SUMF1: variants seen among roughly 807,000 people sequenced by gnomAD.
The protein encoded by SUMF1 is sulfatase modifying factor 1.
SUMF1 carries 48 observed loss-of-function variants against 47.6 expected under a neutral mutation model. That is an observed-to-expected ratio of 1.01 (90% CI 0.80 to 1.28). The LOEUF (loss-of-function observed/expected upper bound fraction) is 1.28, where lower values mean the gene tolerates loss of function less well. SUMF1 is among the 50% of genes most tolerant of loss of function. SUMF1 has a pLI of 0.00. For synonymous variants in SUMF1, 230 were observed against 192.1 expected, an observed-to-expected ratio of 1.20 and a Z score of -1.63; for missense variants, 571 against 485.4, an observed-to-expected ratio of 1.18 and a Z score of -1.66.
intron 7 of SUMF1, among the ~76,000 whole-genome samples, chr3:4,381,998 A>G (rs539212660): frequency 3.3e-4 from 50 of 152,304 alleles, no homozygotes; most frequent in African/African-American, 1.2e-3. Flanking sequence ...GTGAGCAGTG[A>G]CTGCGCCACA....
intron 8 of SUMF1, among the ~76,000 whole-genome samples, chr3:4,204,174 T>C (rs1203248169): frequency 6.6e-6 from 1 of 152,106 alleles, no homozygotes; most frequent in Non-Finnish European, 1.5e-5. Context: ...ACAGGCCTGG[T>C]GTTGACAAAA....
chr3:4,130,242 A>G (rs552200611), intron 8 of SUMF1, among the ~76,000 whole-genome samples: 2 of 152,242 alleles, frequency 1.3e-5, no homozygotes, highest in Admixed American at 6.5e-5. Context: ...ACCAGATGTG[A>G]TTTCATTGCT....
intron 3 of SUMF1, among the ~76,000 whole-genome samples, chr3:4,439,245 G>A (rs879602485): frequency 2.6e-5 from 4 of 152,130 alleles, no homozygotes; most frequent in Non-Finnish European, 4.4e-5. Context: ...AAGTGAGGCC[G>A]GGTGTGGTGG....
At position 4,259,299 on chromosome 3, in the gene SUMF1, A is replaced by C. The variant is rs546437255; in HGVS notation, c.1014+117031T>G. Among the ~76,000 whole-genome samples, 286 of 152,282 alleles carry C rather than the reference A, an allele frequency of 1.9e-3. 2 individuals carry two copies. The highest frequency in any genetic ancestry group is 3.1e-3 in the Non-Finnish European group (212 of 68,016). The stretch of plus-strand genomic sequence containing the variant: ...AAATAAATAAATAAAAATGGAAATA[A>C]ACAGTTTCTTTTCATTGTTCCTGTA... On this transcript the variant is annotated intron_variant and NMD_transcript_variant, in intron 8 of 12. Transcript: ENST00000448413.
intron 7 of SUMF1, among the ~76,000 whole-genome samples, chr3:4,408,744 G>T (rs1328816305): frequency 6.6e-6 from 1 of 152,168 alleles, no homozygotes; most frequent in East Asian, 1.9e-4. Context: ...GACAAGGCGG[G>T]TAGATCACCT....
chr3:4,369,749 G>A (rs1009353232), intron 8 of SUMF1, among the ~76,000 whole-genome samples: 1 of 152,156 alleles, frequency 6.6e-6, no homozygotes, highest in African/African-American at 2.4e-5. Context: ...AGGAAGTCTA[G>A]TATGGGGCCC....
At chr3:4,162,077 G>A (rs1010478748) in intron 8 of SUMF1, among the ~76,000 whole-genome samples, 3 of 152,048 alleles carry the variant, frequency 2.0e-5, no homozygotes, top group Non-Finnish European at 4.4e-5. Flanking sequence ...TTCCCTTCTG[G>A]TGCAGGGTGT....
chr3:4,165,268 G>GC (rs1170872950), intron 8 of SUMF1, among the ~76,000 whole-genome samples: 2 of 152,020 alleles, frequency 1.3e-5, no homozygotes, highest in Admixed American at 1.3e-4. Context: ...GTCTACCTTG[G>GC]CAAGATCAGG....
chr3:4,218,864 G>C (rs1696000243), intron 8 of SUMF1, among the ~76,000 whole-genome samples: 1 of 152,094 alleles, frequency 6.6e-6, no homozygotes, highest in Non-Finnish European at 1.5e-5. Context: ...CTCCTCATTA[G>C]CCTTTTGGGT....
chr3:4,315,517 C>T (rs1559219907), intron 8 of SUMF1, among the ~76,000 whole-genome samples: 1 of 152,126 alleles, frequency 6.6e-6, no homozygotes, highest in Non-Finnish European at 1.5e-5. Context: ...TTTTTGTCCT[C>T]AGGCACTAGT....
chr3:4,148,195 G>A lies in SUMF1; in HGVS notation c.1015-79450C>T, dbSNP rs778509439. Among the ~76,000 whole-genome samples, 29 of 152,220 alleles carry A rather than the reference G, an allele frequency of 1.9e-4. No individual in the cohort carries two copies. The Middle Eastern group carries it at 0.01, about 54-fold the overall frequency. On this transcript the variant is annotated intron_variant and NMD_transcript_variant, in intron 8 of 12. Transcript: ENST00000448413. ...TAAATTTCACCCTAGCTAATCAGGC[G>A]AAGAAAAGCTGCTGTTGAGAAAAGG...
intron 8 of SUMF1, among the ~76,000 whole-genome samples, chr3:4,207,460 T>C (rs926454772): frequency 1.3e-5 from 2 of 152,164 alleles, no homozygotes; most frequent in African/African-American, 4.8e-5. Flanking sequence ...TGAAATTACC[T>C]GCAGCTCAGG....
rs1374027291 is a variant in SUMF1, at chr3:4,284,411, C to T, written c.1014+91919G>A. Among the ~76,000 whole-genome samples the T allele has an allele frequency of 2.3e-5, 3 of 129,532 alleles. No homozygotes were observed. In the South Asian group the frequency reaches 7.0e-4, roughly 30 times the overall value. 85.0% of individuals were successfully genotyped at this position (129,532 alleles called of 152,430 possible). On this transcript the variant is annotated intron_variant and NMD_transcript_variant, in intron 8 of 12. Coordinates refer to the SUMF1 transcript ENST00000448413. Reference sequence around the variant, plus strand: ...CTGGATGACAAAATGAGACTCTGTCCCAAAAAAAAAATAAGTAAATAAAAA... The same window carrying T: ...CTGGATGACAAAATGAGACTCTGTCTCAAAAAAAAAATAAGTAAATAAAAA...
chr3:4,398,720 A>G (rs1341350304), intron 7 of SUMF1, among the ~76,000 whole-genome samples: 2 of 152,222 alleles, frequency 1.3e-5, no homozygotes, highest in African/African-American at 2.4e-5. Flanking sequence ...ATCAAAAACC[A>G]TAGGAAAAAT....
intron 8 of SUMF1, among the ~76,000 whole-genome samples, chr3:4,222,005 A>C (rs1444828476): frequency 6.6e-6 from 1 of 152,066 alleles, no homozygotes; most frequent in Non-Finnish European, 1.5e-5. Flanking sequence ...CATTGTAAAA[A>C]AATTTATGCT....
chr3:4,425,221 C>A (rs991450577), intron 3 of SUMF1, among the ~76,000 whole-genome samples: 2 of 152,188 alleles, frequency 1.3e-5, no homozygotes, highest in African/African-American at 4.8e-5. Flanking sequence ...TCACCTTTTA[C>A]AAGCTACAAG....
intron 8 of SUMF1, among the ~76,000 whole-genome samples, chr3:4,151,724 A>C (rs1011853458): frequency 2.6e-5 from 4 of 151,016 alleles, no homozygotes; most frequent in Non-Finnish European, 5.9e-5. Flanking sequence ...AATCACAAAA[A>C]AATCTCATAA....
At chr3:4,082,808 A>G (rs1328551795) in intron 8 of SUMF1, among the ~76,000 whole-genome samples, 1 of 152,134 alleles carries the variant, frequency 6.6e-6, no homozygotes, top group East Asian at 1.9e-4. Flanking sequence ...TTTCACTAGG[A>G]AAAAATGAAA....
intron 8 of SUMF1, among the ~76,000 whole-genome samples, chr3:4,204,818 T>C (rs1228696750): frequency 9.4e-6 from 1 of 106,400 alleles, no homozygotes; most frequent in Non-Finnish European, 2.1e-5. Context: ...AGCTCCAGGA[T>C]CTCTGCTTGA....
Sources: allele counts gnomAD v4.1 joint callset (sites outside exome capture counted in the v4.1 genomes callset), GRCh38; gene constraint gnomAD v4.1.1; transcripts MANE v1.5; gene names NCBI Gene and HGNC (gene_info 2026-07-23, HGNC 2026-07-21).